ZNF282: variants seen among roughly 807,000 people sequenced by gnomAD.
ZNF282 encodes HTLV-I U5 repressive element-binding protein 1.
A neutral mutation model predicts 61.9 loss-of-function variants in ZNF282; 30 were observed. The ratio of observed to expected loss-of-function variants is 0.48; its 90% CI spans 0.36 to 0.66. The LOEUF (loss-of-function observed/expected upper bound fraction) is 0.66, where lower values mean the gene tolerates loss of function less well. Ranked by LOEUF, ZNF282 falls within the 30% of genes least tolerant of loss-of-function variation. ZNF282 has a pLI of 0.00. For missense variants in ZNF282, 788 were observed against 941.4 expected, an observed-to-expected ratio of 0.84 and a Z score of 2.13; for synonymous variants, 396 against 405.0, an observed-to-expected ratio of 0.98 and a Z score of 0.27.
intron 2 of ZNF282, 117 bp from the exon 3 acceptor site, chr7:149,206,579 G>A: frequency 6.7e-7 from 1 of 1,494,166 alleles, no homozygotes; most frequent in South Asian, 1.3e-5. Context: ...GGACTGGGGA[G>A]CCACGGAGAG....
chr7:149,220,095 AC>A (rs1796217699), intron 7 of ZNF282, among the ~76,000 whole-genome samples: 1 of 151,910 alleles, frequency 6.6e-6, no homozygotes, highest in South Asian at 2.1e-4. Context: ...CTACTTTAGA[AC>A]CCTGATTCAA....
chr7:149,221,910 C>T (rs1173440501), intron 7 of ZNF282, among the ~76,000 whole-genome samples: 2 of 152,014 alleles, frequency 1.3e-5, no homozygotes, highest in Admixed American at 6.6e-5. Context: ...GGTGTGAGCA[C>T]GGAGAAAAGG....
intron 7 of ZNF282, among the ~76,000 whole-genome samples, chr7:149,220,135 A>G (rs1202398): frequency 0.16 from 23,589 of 152,060 alleles, 2,073 homozygotes; most frequent in African/African-American, 0.23. Context: ...GAAGCCGGGC[A>G]CGGTGGCTCA....
chr7:149,198,530 C>G lies in ZNF282; in HGVS notation c.363C>G (p.Asn121Lys), dbSNP rs1413177136. Reference protein sequence around the residue: ...KVDAQASQLLNLEGRTGTAEK... With the variant: ...KVDAQASQLLKLEGRTGTAEK... ...ATGCCCAGGCCAGCCAGCTGCTGAA[C>G]CTGGAGGGGCGCACGGGGACAGCCG... The change falls in exon 2 of 8, where the codon AAC becomes AAG. Residue 121 changes from asparagine (N) to lysine (K), a missense_variant. Asn to Lys is a moderately conservative substitution (Grantham distance 94). This residue lies in a region of ZNF282 where 92 missense variants were observed against 163.9 expected (regional missense o/e 0.56). Coordinates refer to ENST00000610704, the MANE Select transcript of ZNF282 (RefSeq NM_003575.4). The surrounding 1 kb of genome is among the most constrained non-coding windows in gnomAD (Gnocchi z 4.3). 1 of 1,614,076 alleles carries G rather than the reference C, an allele frequency of 6.2e-7. No individual in the cohort carries two copies. The highest frequency in any genetic ancestry group is 1.7e-5 in the Admixed American group (1 of 59,994).
At chr7:149,208,745 A>G (rs1481735406) in intron 4 of ZNF282, among the ~76,000 whole-genome samples, 2 of 150,180 alleles carry the variant, frequency 1.3e-5, no homozygotes, top group Admixed American at 6.6e-5. Context: ...CCGGCAGGGC[A>G]CGGTGGCTCA....
intron 1 of ZNF282, among the ~76,000 whole-genome samples, chr7:149,196,611 A>C (rs1035314351): frequency 1.3e-5 from 2 of 152,048 alleles, no homozygotes; most frequent in African/African-American, 4.8e-5. Context: ...GCCAGGTGCT[A>C]ACGAGGGAGC....
intron 7 of ZNF282, among the ~76,000 whole-genome samples, chr7:149,216,619 A>C (rs1295258749): frequency 6.6e-6 from 1 of 152,124 alleles, no homozygotes; most frequent in Non-Finnish European, 1.5e-5. Flanking sequence ...GATGTTTAAA[A>C]CCAACCTAGT....
At chr7:149,197,587 C>T (rs1353463382) in intron 1 of ZNF282, among the ~76,000 whole-genome samples, 1 of 152,180 alleles carries the variant, frequency 6.6e-6, no homozygotes, top group Non-Finnish European at 1.5e-5. Context: ...ATTCTCCTGC[C>T]TCAGCCTCCC....
At chr7:149,207,737 G>C (rs1472107470) in intron 4 of ZNF282, among the ~76,000 whole-genome samples, 1 of 152,268 alleles carries the variant, frequency 6.6e-6, no homozygotes, top group African/African-American at 2.4e-5. Context: ...TGGGTGGAGA[G>C]ACGAGGAAGG....
In ZNF282 at chr7:149,198,196, G is replaced by A; in HGVS notation, c.166-137G>A. The A allele has an allele frequency of 1.0e-6, 1 of 983,686 alleles. No individual in the cohort carries two copies. Among genetic ancestry groups the A allele is most frequent in the Non-Finnish European group, 1.5e-6 (1 of 679,872 alleles). 60.9% of individuals were successfully genotyped at this position (983,686 alleles called of 1,614,324 possible). ...TGGGTAGCTGTTGCTGGGGGTGTTAGTGTATCCTGAGTTACGGGGGCCTGG... is the reference window on the plus strand; with the variant it reads ...TGGGTAGCTGTTGCTGGGGGTGTTAATGTATCCTGAGTTACGGGGGCCTGG... On this transcript the variant is annotated intron_variant, in intron 1 of 7. Coordinates refer to ENST00000610704, the MANE Select transcript of ZNF282 (RefSeq NM_003575.4). The surrounding 1 kb of genome is among the most constrained non-coding windows in gnomAD (Gnocchi z 4.3).
Position 149,206,761 on chromosome 7 carries a change from A to C in ZNF282, c.651A>C (p.Glu217Asp). 1 of 1,614,220 alleles carries C rather than the reference A, an allele frequency of 6.2e-7. No homozygotes were observed. The change falls in exon 3 of 8, where the codon GAA (glutamate) becomes GAC (aspartate). Residue 217 changes from glutamate (E) to aspartate (D), a missense_variant. Glu to Asp is a conservative substitution (Grantham distance 45, BLOSUM62 2). Around this residue, in one of 3 missense-constraint regions of ZNF282, gnomAD observed 92 missense variants for 163.9 expected, o/e 0.56. Coordinates refer to ENST00000610704, the MANE Select transcript of ZNF282 (RefSeq NM_003575.4). ...FSEDEWKNLD[E>D]WQKELYNNLV... The stretch of plus-strand genomic sequence containing the variant: ...AAGACGAGTGGAAGAACTTGGACGA[A>C]TGGCAGAAGGAGCTTTATAACAACC...
rs561123912 is a variant in ZNF282, at chr7:149,219,558, C to T, written c.1181-4254C>T. Among the ~76,000 whole-genome samples, 503 of 152,182 alleles carry T rather than the reference C, an allele frequency of 3.3e-3. 6 individuals are homozygous for T. The highest frequency in any genetic ancestry group is 0.011 in the African/African-American group (477 of 41,534). ...GTTGGTGATCTCGGCAAAAGTTTTT[C>T]AATGGAGGTTGGGTGTGGTGGCTCA... On this transcript the variant is annotated intron_variant, in intron 7 of 7. Transcript: ENST00000610704.
chr7:149,217,141 T>G (rs951494901), intron 7 of ZNF282, among the ~76,000 whole-genome samples: 4 of 152,246 alleles, frequency 2.6e-5, no homozygotes, highest in African/African-American at 9.6e-5. Context: ...TTCACTACAT[T>G]GGGTTAAAAC....
chr7:149,210,065 A>G (rs1033349979), intron 4 of ZNF282, among the ~76,000 whole-genome samples: 9 of 152,292 alleles, frequency 5.9e-5, no homozygotes, highest in Admixed American at 2.0e-4. Context: ...GTTCTGCACT[A>G]TCTGTCCAAC....
chr7:149,217,223 A>G (rs934066130), intron 7 of ZNF282, among the ~76,000 whole-genome samples: 1 of 152,190 alleles, frequency 6.6e-6, no homozygotes, highest in African/African-American at 2.4e-5. Flanking sequence ...TGTGTTACAC[A>G]GTATTGTAAG....
chr7:149,202,189 G>A (rs1795922446), intron 2 of ZNF282, among the ~76,000 whole-genome samples: 1 of 144,458 alleles, frequency 6.9e-6, no homozygotes, highest in Non-Finnish European at 1.5e-5. Flanking sequence ...GTCTTGCCCA[G>A]GCTGGAGGGC....
chr7:149,212,268 T>C lies in ZNF282; in HGVS notation c.953-90T>C, dbSNP rs375665579. 3.6e-5 allele frequency: 29 copies of C among 814,808 alleles called. No individual in the cohort carries two copies. In the East Asian group the frequency reaches 3.6e-4, roughly 10 times the overall value. The allele number at this position is 814,808 out of a possible 1,614,324, so 50.5% of individuals were successfully genotyped here. ...CCTGATGTTTAGGGGAAAGAGATAA[T>C]TGCATGAAATCAGAGATTTACTCAA... is the stretch of plus-strand genomic sequence containing the variant. On this transcript the variant is annotated intron_variant, in intron 5 of 7. Coordinates refer to ENST00000610704, the MANE Select transcript of ZNF282 (RefSeq NM_003575.4).
Position 149,195,665 on chromosome 7 carries a change from A to C in ZNF282, c.76A>C (p.Ser26Arg). The C allele has an allele frequency of 1.9e-6, 3 of 1,597,080 alleles. No individual in the cohort carries two copies. In the South Asian group the frequency reaches 3.4e-5, roughly 18 times the overall value. The change falls in exon 1 of 8, where the codon AGC becomes CGC. Residue 26 changes from serine (S) to arginine (R), a missense_variant. By Grantham distance (110) the Ser-to-Arg change is moderately radical (BLOSUM62 -1). This residue lies in a region of ZNF282 where 137 missense variants were observed against 135.4 expected (regional missense o/e 1.01). Transcript: ENST00000610704. ...CCTGGGGCTGGACAGCGGGAGCTGG[A>C]GCTGGGCCCAGGCTCTGCCCCCGGA... ...QGLGLDSGSW[S>R]WAQALPPEEV...
intron 7 of ZNF282, among the ~76,000 whole-genome samples, chr7:149,222,840 G>T (rs951698476): frequency 1.3e-5 from 2 of 151,996 alleles, no homozygotes; most frequent in Non-Finnish European, 2.9e-5. Flanking sequence ...TAGAGATGGG[G>T]TTTCACTATG....
Sources: allele counts gnomAD v4.1 joint callset (sites outside exome capture counted in the v4.1 genomes callset), GRCh38; gene constraint gnomAD v4.1.1; regional missense constraint gnomAD v4.1.1; non-coding constraint Gnocchi (gnomAD v3.1); transcripts MANE v1.5; gene names NCBI Gene and HGNC (gene_info 2026-07-23, HGNC 2026-07-21).